The following WASF2 variants were observed in gnomAD, a reference collection of about 807,000 sequenced individuals.
WASF2 encodes the protein actin-binding protein WASF2.
WASF2 carries 14 observed loss-of-function variants against 45.0 expected under a neutral mutation model. That is an observed-to-expected ratio of 0.31 (90% CI 0.21 to 0.49). The LOEUF (loss-of-function observed/expected upper bound fraction) is 0.49, where lower values mean the gene tolerates loss of function less well. Among genes scored for constraint, WASF2 ranks in the 20% least tolerant of loss-of-function variants. WASF2 has a pLI of 0.99. For synonymous variants in WASF2, 200 were observed against 236.3 expected, an observed-to-expected ratio of 0.85 and a Z score of 1.41; for missense variants, 439 against 636.1, an observed-to-expected ratio of 0.69 and a Z score of 3.33.
chr1:27,471,033 T>C (rs1321401120), intron 1 of WASF2, among the ~76,000 whole-genome samples: 1 of 151,992 alleles, frequency 6.6e-6, no homozygotes, highest in East Asian at 1.9e-4. Context: ...TGCATGAAGG[T>C]TGTAACAGAA....
At chr1:27,416,143 T>A in intron 4 of WASF2, 41 bp from the exon 5 acceptor site, 1 of 1,551,840 alleles carries the variant, frequency 6.4e-7, no homozygotes, top group Non-Finnish European at 8.9e-7. Context: ...AGTAGACAGA[T>A]GAGCTCCCAA....
chr1:27,407,289 C>T lies in WASF2; in HGVS notation c.*900G>A, dbSNP rs1205173387. ...TTGTGTGACCTTGAGCAAGTCACTT[C>T]CCATCTCTAGGCCTCAGCATCCTTA... On this transcript the variant is annotated 3_prime_UTR_variant, in exon 9 of 9. Coordinates refer to ENST00000618852, the MANE Select transcript of WASF2 (RefSeq NM_006990.5). The T allele has an allele frequency of 1.3e-5, 2 of 152,712 alleles. No homozygotes were observed. Among genetic ancestry groups the T allele is most frequent in the Admixed American group, 6.5e-5 (1 of 15,282 alleles). 9.5% of individuals were successfully genotyped at this position (152,712 alleles called of 1,614,324 possible). A position where few individuals can be genotyped will look rare whatever the true frequency, so the allele number is the denominator to read the frequency against.
intron 8 of WASF2, 77 bp from the exon 9 acceptor site, chr1:27,408,423 G>C: frequency 6.4e-7 from 1 of 1,574,578 alleles, no homozygotes; most frequent in Non-Finnish European, 8.7e-7. Flanking sequence ...GTAAGAGGGA[G>C]TGGCCACCAA....
intron 1 of WASF2, among the ~76,000 whole-genome samples, chr1:27,436,869 A>C (rs1158935117): frequency 6.6e-6 from 1 of 152,252 alleles, no homozygotes; most frequent in East Asian, 1.9e-4. Context: ...AAAACTGAGA[A>C]AAAGGGCTTA....
At position 27,408,488 on chromosome 1, in the gene WASF2, G is replaced by A. The variant is rs1345942731; in HGVS notation, c.1340-142C>T. On this transcript the variant is annotated intron_variant, in intron 8 of 8. Coordinates refer to ENST00000618852, the MANE Select transcript of WASF2 (RefSeq NM_006990.5). ...AAAAGAAGGTTGTTATGGAAAAGCA[G>A]AAGAAGATGAGTTTATGAAATTGAT... 13 of 1,188,048 alleles carry A rather than the reference G, an allele frequency of 1.1e-5. No homozygotes were observed. The East Asian group carries it at 2.6e-4, about 24-fold the overall frequency. The allele number at this position is 1,188,048 out of a possible 1,614,324, so 73.6% of individuals were successfully genotyped here.
intron 1 of WASF2, among the ~76,000 whole-genome samples, chr1:27,435,114 T>G (rs2148115332): frequency 6.6e-6 from 1 of 152,190 alleles, no homozygotes; most frequent in Middle Eastern, 3.4e-3. Context: ...TGCCCACTAA[T>G]TTTTGTATTT....
At chr1:27,464,413 T>A (rs972028277) in intron 1 of WASF2, among the ~76,000 whole-genome samples, 1 of 152,100 alleles carries the variant, frequency 6.6e-6, no homozygotes, top group African/African-American at 2.4e-5. Context: ...TATCTTTCAT[T>A]AATTCAATAA....
chr1:27,450,798 C>T (rs1557610671), intron 1 of WASF2, among the ~76,000 whole-genome samples: 1 of 152,066 alleles, frequency 6.6e-6, no homozygotes, highest in African/African-American at 2.4e-5. Context: ...CGCACCCAGC[C>T]TCCTTCTCCC....
chr1:27,463,851 G>A (rs2017581570), intron 1 of WASF2, among the ~76,000 whole-genome samples: 1 of 147,856 alleles, frequency 6.8e-6, no homozygotes, highest in Admixed American at 6.8e-5. Flanking sequence ...TGCCCAGGCT[G>A]GAGTACAATG....
At chr1:27,416,167 TC>T in intron 4 of WASF2, 65 bp from the exon 5 acceptor site, 3 of 1,358,076 alleles carry the variant, frequency 2.2e-6, no homozygotes, top group East Asian at 2.3e-5. Context: ...AATCCAATAT[TC>T]CAAACACCTA....
rs2016669372 is a variant in WASF2, at chr1:27,406,044, G to GTA, written c.*2144_*2145insTA. 1 of 152,662 alleles carries GTA rather than the reference G, an allele frequency of 6.6e-6. No individual in the cohort carries two copies. The highest frequency in any genetic ancestry group is 1.5e-5 in the Non-Finnish European group (1 of 68,136). 9.5% of individuals were successfully genotyped at this position (152,662 alleles called of 1,614,324 possible). ...CCCTTTTCCGGGCAAGGAGGATGGG[G>GTA]GTAATTTAGTCAAAGCCATTAGGCC... On this transcript the variant is annotated 3_prime_UTR_variant, in exon 9 of 9. Transcript: ENST00000618852.
chr1:27,444,716 T>C (rs576101809), intron 1 of WASF2, among the ~76,000 whole-genome samples: 1 of 152,358 alleles, frequency 6.6e-6, no homozygotes, highest in South Asian at 2.1e-4. Context: ...GCTTACATTA[T>C]ACCTATTTTA....
chr1:27,435,466 T>C (rs767544893), intron 1 of WASF2, among the ~76,000 whole-genome samples: 1 of 152,072 alleles, frequency 6.6e-6, no homozygotes, highest in Non-Finnish European at 1.5e-5. Flanking sequence ...TACATGCCTA[T>C]AGTCTCAGCT....
intron 1 of WASF2, among the ~76,000 whole-genome samples, chr1:27,458,200 C>G (rs986990511): frequency 2.0e-5 from 3 of 150,906 alleles, no homozygotes; most frequent in Non-Finnish European, 2.9e-5. Context: ...GTAGTCCCAG[C>G]TCCTTGGGAG....
chr1:27,490,090 G>C lies in WASF2; in HGVS notation c.-148C>G, dbSNP rs927409583. On this transcript the variant is annotated 5_prime_UTR_variant, in exon 1 of 9. Transcript: ENST00000618852. ...CCGCCTCGCGGGCTGCCAAACGGCC[G>C]GACCCCCTCAGCGCGCTACGCCCCC... 6.6e-6 allele frequency: 1 copy of C among 152,262 alleles called. No individual in the cohort carries two copies. Among genetic ancestry groups the C allele is most frequent in the African/African-American group, 2.4e-5 (1 of 41,464 alleles). The allele number at this position is 152,262 out of a possible 1,614,324, so 9.4% of individuals were successfully genotyped here.
intron 1 of WASF2, among the ~76,000 whole-genome samples, chr1:27,441,888 T>C (rs2017240577): frequency 6.8e-6 from 1 of 146,398 alleles, no homozygotes; most frequent in Non-Finnish European, 1.5e-5. Flanking sequence ...ATTGTGCCAC[T>C]GCACTCCAGC....
intron 1 of WASF2, among the ~76,000 whole-genome samples, chr1:27,468,568 G>A (rs1375774451): frequency 6.6e-6 from 1 of 151,992 alleles, no homozygotes; most frequent in African/African-American, 2.4e-5. Context: ...TTGAACCTGG[G>A]GGACAGAGGT....
At chr1:27,446,415 A>G (rs2017310364) in intron 1 of WASF2, among the ~76,000 whole-genome samples, 1 of 152,202 alleles carries the variant, frequency 6.6e-6, no homozygotes, top group Non-Finnish European at 1.5e-5. Flanking sequence ...CTAATGCTTT[A>G]GTGGGACAAG....
In WASF2 at chr1:27,414,934, C is replaced by G. The variant is rs200325160; in HGVS notation, c.567G>C (p.Gly189=). ...TCTTGATTTTACGTGGGTTTACATT[C>G]CCTCGATTTGGATTATCTTTCTTTT... ...RKEKKDNPNR[G]NVNPRKIKTR... The change falls in exon 6 of 9, where the codon GGG becomes GGC. Residue 189 remains glycine (G), a synonymous_variant. Coordinates refer to ENST00000618852, the MANE Select transcript of WASF2 (RefSeq NM_006990.5). This position sits in a 1 kb window ranked among gnomAD's most constrained non-coding sequence, Gnocchi z 4.1. The G allele has an allele frequency of 8.7e-6, 14 of 1,614,058 alleles. No homozygotes were observed. In the South Asian group the frequency reaches 1.5e-4, roughly 18 times the overall value.
Sources: gnomAD v4.1 joint callset for allele counts (sites outside exome capture counted in the v4.1 genomes callset) on GRCh38, gnomAD v4.1.1 for gene constraint, Gnocchi (gnomAD v3.1) non-coding constraint, MANE v1.5 for transcripts, NCBI Gene and HGNC (gene_info 2026-07-23, HGNC 2026-07-21) for gene names.